Variants in KCNIP4 observed in about 807,000 individuals in gnomAD.
KCNIP4 encodes the protein potassium voltage-gated channel interacting protein 4, also known as Kv channel-interacting protein 4.
A neutral mutation model predicts 34.0 loss-of-function variants in KCNIP4; 12 were observed. The ratio of observed to expected loss-of-function variants is 0.35; its 90% CI spans 0.23 to 0.57. The LOEUF is 0.57. Among genes scored for constraint, KCNIP4 ranks in the 20% least tolerant of loss-of-function variants. The pLI, the probability that KCNIP4 is intolerant of heterozygous loss-of-function variation, is 0.83. For synonymous variants in KCNIP4, 124 were observed against 102.2 expected (o/e 1.21, Z -1.29); for missense variants, 238 against 311.7 (o/e 0.76, Z 1.78).
chr4:20,944,470 A>G (rs1267719909), intron 1 of KCNIP4, among the ~76,000 whole-genome samples: 12 of 152,232 alleles, frequency 7.9e-5, no homozygotes, highest in Admixed American at 7.9e-4. Flanking sequence ...ACAAGGCATA[A>G]TGGAAAATTC....
chr4:21,732,073 T>C (rs1715646103), intron 1 of KCNIP4, among the ~76,000 whole-genome samples: 2 of 150,456 alleles, frequency 1.3e-5, no homozygotes, highest in South Asian at 4.1e-4. Flanking sequence ...TAATTTTGGC[T>C]TAGTTTTTAG....
intron 1 of KCNIP4, among the ~76,000 whole-genome samples, chr4:20,942,132 C>A (rs1731701848): frequency 6.6e-6 from 1 of 152,184 alleles, no homozygotes. Flanking sequence ...ATTTTCCTGA[C>A]CACCCAGCAT....
intron 1 of KCNIP4, among the ~76,000 whole-genome samples, chr4:21,155,908 C>T (rs114366101): frequency 0.011 from 1,721 of 152,140 alleles, 14 homozygotes; most frequent in Non-Finnish European, 0.017. Flanking sequence ...CTATTATTTT[C>T]TATATTGTAC....
intron 1 of KCNIP4, among the ~76,000 whole-genome samples, chr4:21,486,956 C>T (rs1731975803): frequency 6.6e-6 from 1 of 151,874 alleles, no homozygotes; most frequent in Non-Finnish European, 1.5e-5. Context: ...CATCATCACA[C>T]CTGGCTAATT....
chr4:21,002,252 C>T (rs1338511976), intron 1 of KCNIP4, among the ~76,000 whole-genome samples: 1 of 152,196 alleles, frequency 6.6e-6, no homozygotes, highest in Non-Finnish European at 1.5e-5. Flanking sequence ...GCCAATTTCT[C>T]ATCTCAGACA....
At chr4:21,117,561 A>AC (rs777715280) in intron 1 of KCNIP4, among the ~76,000 whole-genome samples, 5 of 152,014 alleles carry the variant, frequency 3.3e-5, no homozygotes, top group Non-Finnish European at 5.9e-5. Flanking sequence ...CCCTGACCAA[A>AC]CCTGTTGCCA....
intron 1 of KCNIP4, chr4:21,845,131 A>C (rs921795128): frequency 1.3e-5 from 2 of 151,994 alleles, no homozygotes; most frequent in Non-Finnish European, 2.9e-5. Flanking sequence ...GCTTCCTTAC[A>C]ACATTTCAAG....
chr4:20,929,835 C>T (rs758931813), intron 1 of KCNIP4, among the ~76,000 whole-genome samples: 6 of 149,836 alleles, frequency 4.0e-5, no homozygotes, highest in South Asian at 2.1e-4. Context: ...ATTTGTATAC[C>T]GATAACTATA....
At chr4:20,894,724 A>T (rs1042253894) in intron 1 of KCNIP4, among the ~76,000 whole-genome samples, 3 of 152,328 alleles carry the variant, frequency 2.0e-5, no homozygotes, top group African/African-American at 7.2e-5. Context: ...GCAAAAACAT[A>T]GTCCTTGCTC....
chr4:21,635,760 A>G (rs1746097511), intron 1 of KCNIP4, among the ~76,000 whole-genome samples: 1 of 152,136 alleles, frequency 6.6e-6, no homozygotes, highest in South Asian at 2.1e-4. Context: ...AACTGGAAAT[A>G]CCATTTGATG....
intron 1 of KCNIP4, among the ~76,000 whole-genome samples, chr4:21,255,637 C>A (rs1761010936): frequency 7.4e-6 from 1 of 134,592 alleles, no homozygotes. Flanking sequence ...GTATCTTTAC[C>A]TTTAAAATAG....
intron 2 of KCNIP4, among the ~76,000 whole-genome samples, chr4:20,878,747 A>G (rs1317184694): frequency 6.6e-6 from 1 of 152,206 alleles, no homozygotes; most frequent in Non-Finnish European, 1.5e-5. Flanking sequence ...TTTGTTTAGT[A>G]TGAGGCACAA....
chr4:21,209,978 A>G (rs192131964), intron 1 of KCNIP4, among the ~76,000 whole-genome samples: 1 of 152,328 alleles, frequency 6.6e-6, no homozygotes, highest in Admixed American at 6.5e-5. Flanking sequence ...TGGTTGAAAG[A>G]AGCTCTTCCT....
At chr4:21,709,731 C>T (rs548937401) in intron 1 of KCNIP4, among the ~76,000 whole-genome samples, 1 of 152,026 alleles carries the variant, frequency 6.6e-6, no homozygotes, top group Non-Finnish European at 1.5e-5. Flanking sequence ...ATGTAAACAC[C>T]TAGGAATAGT....
rs1553860312 is a variant in KCNIP4 at position 21,320,964 on chromosome 4, T to TTAAAAAAAAAAAAAAAAAA, written c.62-438256_62-438255insTTTTTTTTTTTTTTTTTTA. ...TGGGCAATAGAGCAAGAATCTGTCT[T>TTAAAAAAAAAAAAAAAAAA]AAAAAAAAAAAAAAAAAAGAGGAAA... On this transcript the variant is annotated intron_variant, in intron 1 of 8. Transcript: ENST00000382152. Among the ~76,000 whole-genome samples the TTAAAAAAAAAAAAAAAAAA allele has an allele frequency of 1.4e-4, 14 of 102,900 alleles. No homozygotes were observed. The East Asian group carries it at 1.8e-3, about 13-fold the overall frequency. The allele number at this position is 102,900 out of a possible 152,430, so 67.5% of individuals were successfully genotyped here. A position where few individuals can be genotyped will look rare whatever the true frequency, so the allele number is the denominator to read the frequency against.
intron 1 of KCNIP4, among the ~76,000 whole-genome samples, chr4:21,000,485 G>C (rs1012232913): frequency 2.0e-5 from 3 of 152,030 alleles, no homozygotes; most frequent in African/African-American, 7.2e-5. Flanking sequence ...AGGAGTTCGA[G>C]ACCAGCCTGG....
intron 1 of KCNIP4, among the ~76,000 whole-genome samples, chr4:21,465,842 C>A (rs1401635199): frequency 1.3e-5 from 2 of 152,312 alleles, no homozygotes; most frequent in East Asian, 3.9e-4. Context: ...CATGTGAGTT[C>A]TCAGCTAGGA....
At chr4:21,626,496 G>C (rs929684785) in intron 1 of KCNIP4, among the ~76,000 whole-genome samples, 1 of 151,796 alleles carries the variant, frequency 6.6e-6, no homozygotes, top group Admixed American at 6.6e-5. Context: ...AACCTACCTT[G>C]CTGGCACATT....
chr4:21,034,310 C>A (rs1269235262), intron 1 of KCNIP4, among the ~76,000 whole-genome samples: 1 of 152,122 alleles, frequency 6.6e-6, no homozygotes, highest in African/African-American at 2.4e-5. Flanking sequence ...GTTTACAGAT[C>A]AGTATTGAAA....
Sources: gnomAD v4.1 joint callset for allele counts (sites outside exome capture counted in the v4.1 genomes callset) on GRCh38, gnomAD v4.1.1 for gene constraint, MANE v1.5 for transcripts, NCBI Gene and HGNC (gene_info 2026-07-23, HGNC 2026-07-21) for gene names.